The following CHD8 variants were observed in gnomAD, a reference collection of about 807,000 sequenced individuals.
CHD8 encodes ATP-dependent chromatin remodeler CHD8.
In CHD8, 31 loss-of-function variants were observed where a neutral mutation model predicts 279.2. The observed-to-expected ratio is 0.11, with a 90% CI of 0.08 to 0.15. CHD8 has a LOEUF of 0.15. Ranked by LOEUF, CHD8 falls within the 10% of genes least tolerant of loss-of-function variation. CHD8 has a pLI of 1.00. For synonymous variants in CHD8, 1,081 were observed against 1,139.6 expected (o/e 0.95, Z 1.04); for missense variants, 2,146 against 3,230.5 (o/e 0.66, Z 8.14).
chr14:21,441,781 A>C (rs1033397047), intron 1 of CHD8, among the ~76,000 whole-genome samples: 51 of 152,162 alleles, frequency 3.4e-4, no homozygotes, highest in Non-Finnish European at 5.6e-4. Flanking sequence ...CCCAGCTACT[A>C]GGGAGGCTGA....
At chr14:21,454,647 G>T (rs757742039) in intron 1 of CHD8, among the ~76,000 whole-genome samples, 1 of 152,056 alleles carries the variant, frequency 6.6e-6, no homozygotes, top group Non-Finnish European at 1.5e-5. Context: ...TCCTAAGCCT[G>T]TCTCTTCAAA....
intron 37 of CHD8, among the ~76,000 whole-genome samples, chr14:21,386,664 G>T (rs373431130): frequency 2.0e-5 from 3 of 151,918 alleles, no homozygotes; most frequent in South Asian, 2.1e-4. Context: ...GGTGAAACCC[G>T]GTCTCTACTA....
At chr14:21,441,638 C>T (rs1263456725) in intron 1 of CHD8, among the ~76,000 whole-genome samples, 2 of 152,016 alleles carry the variant, frequency 1.3e-5, no homozygotes, top group Non-Finnish European at 2.9e-5. Context: ...CCTGTAATCC[C>T]AGCACTTTGG....
Position 21,430,853 on chromosome 14 carries a change from G to A in CHD8, c.791C>T (p.Ala264Val). ...TGCAGGCTTCAGTGGGGGCCCTGTG[G>A]CCCCAGGGTTTCCAGCAGGAGCTGA... ...KGSAPAGNPG[A>V]TGPPLKPAVT... The change falls in exon 2 of 38, where the codon GCC becomes GTC. Residue 264 changes from alanine to valine, a missense_variant. Around this residue, in one of 26 missense-constraint regions of CHD8, gnomAD observed 302 missense variants for 325.5 expected, o/e 0.93. Coordinates refer to ENST00000646647, the MANE Select transcript of CHD8 (RefSeq NM_001170629.2). The A allele has an allele frequency of 6.3e-7, 1 of 1,599,416 alleles. No homozygotes were observed. The highest frequency in any genetic ancestry group is 2.2e-5 in the East Asian group (1 of 44,866).
rs113176231 is a variant in CHD8 at position 21,399,039 on chromosome 14, G to A, written c.4921+563C>T. 1,680 of 396,698 alleles carry A rather than the reference G, an allele frequency of 4.2e-3. 28 individuals are homozygous for A. Among genetic ancestry groups the A allele is most frequent in the African/African-American group, 0.032 (1,530 of 47,294 alleles). 24.6% of individuals were successfully genotyped at this position (396,698 alleles called of 1,614,324 possible). On this transcript the variant is annotated intron_variant, in intron 26 of 37. Transcript: ENST00000646647. Reference sequence around the variant, plus strand: ...CCACGACAAGGAGGGCATCCCACCTGACCAGCAGCATCTGATATTTGTGAA... The same window carrying A: ...CCACGACAAGGAGGGCATCCCACCTAACCAGCAGCATCTGATATTTGTGAA...
intron 25 of CHD8, 76 bp downstream of exon 25, chr14:21,399,905 A>G: frequency 3.2e-6 from 4 of 1,265,126 alleles, no homozygotes; most frequent in Non-Finnish European, 4.6e-6. Flanking sequence ...CAAAGATAGC[A>G]TAAAATGAAA....
At chr14:21,395,399 G>A (rs569180314) in intron 28 of CHD8, 47 bp from the exon 29 acceptor site, 9 of 1,362,932 alleles carry the variant, frequency 6.6e-6, no homozygotes, top group African/African-American at 1.4e-5. Context: ...GAGGGAAAGG[G>A]GGGGAAGTTG....
At chr14:21,428,850 A>G (rs900815769) in intron 3 of CHD8, 114 bp downstream of exon 3, 1 of 890,478 alleles carries the variant, frequency 1.1e-6, no homozygotes, top group Non-Finnish European at 1.7e-6. Context: ...ACCTCAGTTC[A>G]GAGATATAAA....
Position 21,399,170 on chromosome 14 carries a change from C to G in CHD8, c.4921+432G>C, listed in dbSNP as rs554935996. On this transcript the variant is annotated intron_variant, in intron 26 of 37. Coordinates refer to ENST00000646647, the MANE Select transcript of CHD8 (RefSeq NM_001170629.2). Reference sequence around the variant, plus strand: ...GAGGTGACATTATTGAGCCTTCCCTCTGCCTACTCACCCAGAAATACAACT... The same window carrying G: ...GAGGTGACATTATTGAGCCTTCCCTGTGCCTACTCACCCAGAAATACAACT... 6 of 287,996 alleles carry G rather than the reference C, an allele frequency of 2.1e-5. No individual in the cohort carries two copies. In the East Asian group the frequency reaches 5.4e-4, roughly 26 times the overall value. 17.8% of individuals were successfully genotyped at this position (287,996 alleles called of 1,614,324 possible). A position where few individuals can be genotyped will look rare whatever the true frequency, so the allele number is the denominator to read the frequency against.
At position 21,408,627 on chromosome 14, in the gene CHD8, G is replaced by A; in HGVS notation, c.2487-72C>T. 2 of 1,566,242 alleles carry A rather than the reference G, an allele frequency of 1.3e-6. No individual in the cohort carries two copies. The highest frequency in any genetic ancestry group is 1.7e-6 in the Non-Finnish European group (2 of 1,156,796). On this transcript the variant is annotated intron_variant, in intron 12 of 37. Transcript: ENST00000646647. The surrounding 1 kb of genome is among the most constrained non-coding windows in gnomAD (Gnocchi z 4.3). ...TTAAAAAAAATAGAGTATGTAGGAA[G>A]AAATTGTTTCAATAGAAAACAAATA...
At chr14:21,429,711 T>G (rs902391060) in intron 2 of CHD8, 16 of 358,310 alleles carry the variant, frequency 4.5e-5, no homozygotes, top group African/African-American at 2.3e-4. Context: ...CTGATTGGCA[T>G]AGCACACCAC....
Position 21,397,956 on chromosome 14 carries a change from G to A in CHD8, c.4922-4C>T, listed in dbSNP as rs1887860268. 2 of 1,601,164 alleles carry A rather than the reference G, an allele frequency of 1.2e-6. No individual in the cohort carries two copies. Among genetic ancestry groups the A allele is most frequent in the Non-Finnish European group, 1.7e-6 (2 of 1,173,550 alleles). ...ATGGTATTATATTTCTCATAGCCTA[G>A]AAGAAAAAGGGTCATAGTTGAAGAA... On this transcript the variant is annotated splice_polypyrimidine_tract_variant and splice_region_variant and intron_variant, in intron 26 of 37. Coordinates refer to ENST00000646647, the MANE Select transcript of CHD8 (RefSeq NM_001170629.2).
chr14:21,426,622 A>G (rs992618907), intron 4 of CHD8: 1 of 160,274 alleles, frequency 6.2e-6, no homozygotes, highest in African/African-American at 2.4e-5. Context: ...ACCTGTCCTG[A>G]CAGTTACTGA....
chr14:21,454,051 G>A (rs946871533), intron 1 of CHD8, among the ~76,000 whole-genome samples: 2 of 151,838 alleles, frequency 1.3e-5, no homozygotes, highest in Non-Finnish European at 1.5e-5. Flanking sequence ...CCAGCTACTC[G>A]GAAGGCTCAG....
intron 14 of CHD8, among the ~76,000 whole-genome samples, chr14:21,406,489 A>AGCAATACTGACTCCAG (rs1172759212): frequency 5.3e-5 from 8 of 152,242 alleles, no homozygotes; most frequent in African/African-American, 1.9e-4. Context: ...TGCCAGCTGC[A>AGCAATACTGACTCCAG]GCAATACTGA....
In CHD8 at chr14:21,403,543, G is replaced by C. The variant is rs759733656; in HGVS notation, c.3428C>G (p.Pro1143Arg). The change falls in exon 17 of 38, where the codon CCA (proline) becomes CGA (arginine). Residue 1143 changes from proline to arginine, a missense_variant. Pro to Arg is a moderately radical substitution (Grantham distance 103). Transcript: ENST00000646647. The surrounding 1 kb of genome is among the most constrained non-coding windows in gnomAD (Gnocchi z 4.3). ...TTTATGGCCACCAGCTTTAAGCTTT[G>C]GAAGCAACTTGTCAATAAGAACCAG... ...GKLVLIDKLL[P>R]KLKAGGHKVL... The C allele has an allele frequency of 1.2e-6, 2 of 1,613,494 alleles. No individual in the cohort carries two copies. The highest frequency in any genetic ancestry group is 1.3e-5 in the African/African-American group (1 of 74,892).
At chr14:21,415,932 T>G (rs942643103) in intron 5 of CHD8, 25 bp from the exon 6 acceptor site, 9 of 1,597,958 alleles carry the variant, frequency 5.6e-6, no homozygotes, top group Admixed American at 1.7e-5. Flanking sequence ...GTAGTTAGAG[T>G]GACTAGTTAG....
At chr14:21,390,642 G>A in intron 37 of CHD8, among the ~76,000 whole-genome samples, 1 of 152,086 alleles carries the variant, frequency 6.6e-6, no homozygotes, top group Non-Finnish European at 1.5e-5. Flanking sequence ...GCCAGGCGCG[G>A]TGGCAGGTGC....
At chr14:21,434,812 T>G (rs901281056) in intron 1 of CHD8, among the ~76,000 whole-genome samples, 5 of 152,312 alleles carry the variant, frequency 3.3e-5, no homozygotes, top group Admixed American at 2.6e-4. Flanking sequence ...AGATTAAACC[T>G]TCTCCCAACA....
Sources: allele counts gnomAD v4.1 joint callset (sites outside exome capture counted in the v4.1 genomes callset), GRCh38; gene constraint gnomAD v4.1.1; regional missense constraint gnomAD v4.1.1; non-coding constraint Gnocchi (gnomAD v3.1); transcripts MANE v1.5; gene names NCBI Gene and HGNC (gene_info 2026-07-23, HGNC 2026-07-21).